ABCA13: variants seen among roughly 807,000 people sequenced by gnomAD.
The protein encoded by ABCA13 is ATP binding cassette subfamily A member 13.
Under a neutral mutation model 478.7 loss-of-function variants are expected in ABCA13, and 476 were observed. The observed-to-expected ratio is 0.99, with a 90% CI of 0.92 to 1.07. The LOEUF (loss-of-function observed/expected upper bound fraction) is 1.07. ABCA13 is among the 50% of genes least tolerant of loss of function. ABCA13 has a pLI of 0.00. For missense variants in ABCA13, 6,060 were observed against 5,910.6 expected (o/e 1.03, Z -0.83); for synonymous variants, 2,252 against 2,158.9 (o/e 1.04, Z -1.20).
chr7:48,607,323 C>A (rs114637795), intron 58 of ABCA13, among the ~76,000 whole-genome samples: 3,886 of 152,302 alleles, frequency 0.026, 166 homozygotes, highest in African/African-American at 0.088. Context: ...TGCACTTCCA[C>A]GGTTGAGGCA....
At chr7:48,422,326 C>T (rs1383114456) in intron 41 of ABCA13, among the ~76,000 whole-genome samples, 1 of 152,072 alleles carries the variant, frequency 6.6e-6, no homozygotes, top group African/African-American at 2.4e-5. Flanking sequence ...AGCCTGCTGT[C>T]TTGTTAACAC....
chr7:48,292,537 T>C (rs1455633901), intron 20 of ABCA13, among the ~76,000 whole-genome samples: 2 of 152,108 alleles, frequency 1.3e-5, no homozygotes, highest in Non-Finnish European at 2.9e-5. Flanking sequence ...AGGTGTCCGA[T>C]TTCTAAGGGA....
chr7:48,541,769 T>G (rs1011999643), intron 55 of ABCA13, among the ~76,000 whole-genome samples: 6 of 150,468 alleles, frequency 4.0e-5, no homozygotes, highest in African/African-American at 1.5e-4. Flanking sequence ...ATGATATATA[T>G]CTTAGTTATA....
intron 41 of ABCA13, among the ~76,000 whole-genome samples, chr7:48,419,333 C>G (rs1820431390): frequency 6.6e-6 from 1 of 152,272 alleles, no homozygotes; most frequent in South Asian, 2.1e-4. Flanking sequence ...TTGTACTTTA[C>G]CCATTCATAT....
intron 52 of ABCA13, 43 bp downstream of exon 52, chr7:48,516,924 A>G: frequency 6.3e-7 from 1 of 1,584,932 alleles, no homozygotes. Flanking sequence ...CTGCACCTCT[A>G]GTGCAAAGAC....
At chr7:48,462,022 T>A (rs1826297707) in intron 43 of ABCA13, among the ~76,000 whole-genome samples, 1 of 101,138 alleles carries the variant, frequency 9.9e-6, no homozygotes, top group African/African-American at 4.9e-5. Context: ...CATGGGGAGA[T>A]ATTTAGGGGT....
intron 55 of ABCA13, among the ~76,000 whole-genome samples, chr7:48,559,333 C>T (rs1254442214): frequency 6.6e-6 from 1 of 152,170 alleles, no homozygotes; most frequent in African/African-American, 2.4e-5. Context: ...ACAGGGAGTT[C>T]TTCAAGGCCA....
intron 58 of ABCA13, among the ~76,000 whole-genome samples, chr7:48,600,281 T>C (rs1469558863): frequency 2.6e-5 from 4 of 152,288 alleles, no homozygotes; most frequent in Admixed American, 6.5e-5. Context: ...TTTCATATTC[T>C]TTTACTTTCA....
At chr7:48,369,510 T>C (rs2129020086) in intron 32 of ABCA13, among the ~76,000 whole-genome samples, 1 of 152,292 alleles carries the variant, frequency 6.6e-6, no homozygotes, top group East Asian at 1.9e-4. Flanking sequence ...TTTTCTAGAC[T>C]CGTTATGGTC....
chr7:48,504,732 G>A (rs999638617), intron 48 of ABCA13, among the ~76,000 whole-genome samples: 1 of 152,068 alleles, frequency 6.6e-6, no homozygotes, highest in Non-Finnish European at 1.5e-5. Flanking sequence ...AGTGGTCCAC[G>A]GGCCATACTT....
chr7:48,547,547 G>C (rs1784927850), intron 55 of ABCA13, among the ~76,000 whole-genome samples: 1 of 151,808 alleles, frequency 6.6e-6, no homozygotes, highest in African/African-American at 2.4e-5. Context: ...GGCTTCCATG[G>C]GGAGCACCCA....
intron 48 of ABCA13, among the ~76,000 whole-genome samples, chr7:48,506,033 T>C (rs1396269384): frequency 6.6e-6 from 1 of 152,196 alleles, no homozygotes; most frequent in East Asian, 1.9e-4. Context: ...ACATAGGCTA[T>C]GGGATACTTA....
chr7:48,290,455 A>G (rs557358031), intron 20 of ABCA13, among the ~76,000 whole-genome samples: 3 of 152,274 alleles, frequency 2.0e-5, no homozygotes, highest in South Asian at 2.1e-4. Flanking sequence ...ATGAATTTCA[A>G]TCTCAACTTT....
At chr7:48,483,031 G>T in intron 46 of ABCA13, 45 bp from the exon 47 acceptor site, 1 of 1,515,392 alleles carries the variant, frequency 6.6e-7, no homozygotes, top group East Asian at 2.3e-5. Context: ...TAGAAGTCCT[G>T]GTGCTCTGTG....
intron 58 of ABCA13, among the ~76,000 whole-genome samples, chr7:48,600,906 A>T (rs1003340036): frequency 3.3e-5 from 5 of 152,190 alleles, no homozygotes; most frequent in African/African-American, 1.2e-4. Flanking sequence ...TATTTACTCA[A>T]ATACTTTTTC....
At chr7:48,633,945 TAGA>T (rs1431637460) in intron 59 of ABCA13, among the ~76,000 whole-genome samples, 9 of 143,298 alleles carry the variant, frequency 6.3e-5, no homozygotes, top group Non-Finnish European at 1.4e-4. Flanking sequence ...GATAGATAGA[TAGA>T]TAGATAGATA....
intron 56 of ABCA13, among the ~76,000 whole-genome samples, chr7:48,584,010 C>T (rs1236664861): frequency 3.3e-5 from 5 of 152,114 alleles, no homozygotes; most frequent in African/African-American, 4.8e-5. Context: ...CATATGTTTC[C>T]TAACTTCATA....
chr7:48,382,383 C>G (rs879251171), intron 35 of ABCA13, among the ~76,000 whole-genome samples: 3 of 152,196 alleles, frequency 2.0e-5, no homozygotes, highest in African/African-American at 7.2e-5. Context: ...TCTCAGGCCA[C>G]CCGAACCTGC....
intron 31 of ABCA13, among the ~76,000 whole-genome samples, chr7:48,365,462 T>C (rs1811523342): frequency 6.6e-6 from 1 of 152,168 alleles, no homozygotes. Context: ...GTCTGTGCTT[T>C]TGAGGTCTTA....
Sources: gnomAD v4.1 joint callset for allele counts (sites outside exome capture counted in the v4.1 genomes callset) on GRCh38, gnomAD v4.1.1 for gene constraint, MANE v1.5 for transcripts, NCBI Gene and HGNC (gene_info 2026-07-23, HGNC 2026-07-21) for gene names.